The following KCNMA1 variants were observed in gnomAD, a reference collection of about 807,000 sequenced individuals.
The protein encoded by KCNMA1 is Calcium-activated potassium channel subunit alpha-1.
Under a neutral mutation model 140.0 loss-of-function variants are expected in KCNMA1, and 29 were observed. That is an observed-to-expected ratio of 0.21 (90% CI 0.15 to 0.28). The LOEUF (loss-of-function observed/expected upper bound fraction) is 0.28. KCNMA1 is among the 10% of genes least tolerant of loss of function. The pLI, the probability that KCNMA1 is intolerant of heterozygous loss-of-function variation, is 1.00. For missense variants in KCNMA1, 880 were observed against 1,602.2 expected, an observed-to-expected ratio of 0.55 and a Z score of 7.70; for synonymous variants, 612 against 611.9, an observed-to-expected ratio of 1.00 and a Z score of 0.00.
chr10:77,626,525 C>T lies in KCNMA1; in HGVS notation c.378+10740G>A, dbSNP rs567636212. ...AATCTTTCCTCCAAGCCTTAGAACA[C>T]TTATCTCTGAGTTCTCCATTTGAAT... On this transcript the variant is annotated intron_variant, in intron 1 of 27. Transcript: ENST00000286628. Among the ~76,000 whole-genome samples, 7 of 152,304 alleles carry T rather than the reference C, an allele frequency of 4.6e-5. No individual in the cohort carries two copies. In the South Asian group the frequency reaches 1.4e-3, roughly 32 times the overall value.
intron 2 of KCNMA1, among the ~76,000 whole-genome samples, chr10:77,379,203 G>T (rs1351518339): frequency 6.6e-6 from 1 of 152,184 alleles, no homozygotes; most frequent in African/African-American, 2.4e-5. Flanking sequence ...GGAATTCTGA[G>T]CCTTTTTCCC....
chr10:77,371,498 T>TA (rs1205688373), intron 2 of KCNMA1, among the ~76,000 whole-genome samples: 2 of 152,294 alleles, frequency 1.3e-5, no homozygotes, highest in East Asian at 1.9e-4. Flanking sequence ...TGACAACATG[T>TA]AAAAAATCTG....
chr10:76,996,476 T>A (rs2084370719), intron 19 of KCNMA1, among the ~76,000 whole-genome samples: 1 of 152,182 alleles, frequency 6.6e-6, no homozygotes, highest in Non-Finnish European at 1.5e-5. Context: ...GATCTGCCAC[T>A]CTGTTTTTAC....
intron 2 of KCNMA1, among the ~76,000 whole-genome samples, chr10:77,380,725 C>T (rs565065189): frequency 6.6e-6 from 1 of 152,300 alleles, no homozygotes; most frequent in Admixed American, 6.5e-5. Context: ...GACTTCTCAG[C>T]CTTGCTTCTG....
intron 25 of KCNMA1, among the ~76,000 whole-genome samples, chr10:76,892,568 C>T (rs1271855100): frequency 1.3e-5 from 2 of 152,188 alleles, no homozygotes; most frequent in African/African-American, 2.4e-5. Context: ...GGCTAAAAAA[C>T]TCAAATCAAA....
rs570665032 is a variant in KCNMA1, at chr10:77,054,950, T to TA, written c.1750-15314dup. 5.6e-4 allele frequency among the ~76,000 whole-genome samples: 83 copies of TA among 149,278 alleles called. No homozygotes were observed. In the South Asian group the frequency reaches 0.01, roughly 18 times the overall value. On this transcript the variant is annotated intron_variant, in intron 14 of 27. Coordinates refer to ENST00000286628, the MANE Select transcript of KCNMA1 (RefSeq NM_001161352.2). Reference sequence around the variant, plus strand: ...AATTATAGTATTCATAGGCTCTGATTAAAAAAAAAATAGGTGAACTACCTG... The same window carrying TA: ...AATTATAGTATTCATAGGCTCTGATTAAAAAAAAAAATAGGTGAACTACCTG...
chr10:77,534,284 G>C (rs543392313), intron 1 of KCNMA1, among the ~76,000 whole-genome samples: 1 of 152,274 alleles, frequency 6.6e-6, no homozygotes, highest in East Asian at 1.9e-4. Context: ...ATACCAAGTA[G>C]AATGTAGTCA....
intron 1 of KCNMA1, among the ~76,000 whole-genome samples, chr10:77,616,256 T>C (rs1225183508): frequency 6.6e-6 from 1 of 152,150 alleles, no homozygotes; most frequent in Non-Finnish European, 1.5e-5. Context: ...AGACGTGCAA[T>C]CCAACCTGGA....
chr10:77,507,485 C>T (rs2046579207), intron 1 of KCNMA1, among the ~76,000 whole-genome samples: 1 of 152,182 alleles, frequency 6.6e-6, no homozygotes, highest in Non-Finnish European at 1.5e-5. Context: ...GGACTAGAAC[C>T]AGAGCACCAA....
chr10:77,058,763 C>T (rs898629389), intron 14 of KCNMA1, among the ~76,000 whole-genome samples: 1 of 151,814 alleles, frequency 6.6e-6, no homozygotes, highest in Non-Finnish European at 1.5e-5. Flanking sequence ...AAAGCAGGGA[C>T]CAGGAAGAAA....
chr10:76,880,811 A>T, downstream of KCNMA1, among the ~76,000 whole-genome samples: 1 of 151,068 alleles, frequency 6.6e-6, no homozygotes. Context: ...CTTTATCTCC[A>T]CTCCCTGTTT....
In KCNMA1 at chr10:77,637,554, T is replaced by A; in HGVS notation, c.89A>T (p.His30Leu). 1 of 1,543,516 alleles carries A rather than the reference T, an allele frequency of 6.5e-7. No homozygotes were observed. The highest frequency in any genetic ancestry group is 8.7e-7 in the Non-Finnish European group (1 of 1,143,584). Residue 30 changes from histidine (H) to leucine (L), a missense_variant, in exon 1 of 28, where the codon CAC becomes CTC. By Grantham distance (99) the His-to-Leu change is moderately conservative (BLOSUM62 -3). Transcript: ENST00000286628. ...CGCGTCTAGGCTGAGATGGTTCGCG[T>A]GGATATTGCTACTCATTCTAAGACT... ...GSSLRMSSNI[H>L]ANHLSLDASS...
At chr10:77,367,699 T>C (rs918924801) in intron 2 of KCNMA1, among the ~76,000 whole-genome samples, 1 of 152,220 alleles carries the variant, frequency 6.6e-6, no homozygotes, top group African/African-American at 2.4e-5. Context: ...GCATTATCCT[T>C]TATGATCACA....
At position 77,485,969 on chromosome 10, in the gene KCNMA1, A is replaced by AT. The variant is rs1229869492; in HGVS notation, c.379-81947dup. 2.6e-5 allele frequency among the ~76,000 whole-genome samples: 4 copies of AT among 152,102 alleles called. No individual in the cohort carries two copies. In the East Asian group the frequency reaches 7.7e-4, roughly 29 times the overall value. ...ACCAGGTACCGGGCTCTGGGCAACT[A>AT]TAAGTGTTTATCAGCCCTACCCTGA... On this transcript the variant is annotated intron_variant, in intron 1 of 27. Coordinates refer to ENST00000286628, the MANE Select transcript of KCNMA1 (RefSeq NM_001161352.2).
At chr10:77,144,536 A>G (rs1439833878) in intron 5 of KCNMA1, among the ~76,000 whole-genome samples, 3 of 152,220 alleles carry the variant, frequency 2.0e-5, no homozygotes, top group African/African-American at 7.2e-5. Context: ...TATCTCTGTC[A>G]GAACTCACTG....
intron 1 of KCNMA1, among the ~76,000 whole-genome samples, chr10:77,454,505 T>A (rs2097722898): frequency 6.6e-6 from 1 of 152,248 alleles, no homozygotes; most frequent in Non-Finnish European, 1.5e-5. Context: ...ATTTTACAAA[T>A]GTCTGTGGCT....
chr10:77,057,548 A>G (rs2095584682), intron 14 of KCNMA1, among the ~76,000 whole-genome samples: 1 of 152,104 alleles, frequency 6.6e-6, no homozygotes, highest in Admixed American at 6.5e-5. Context: ...AAATTATAAC[A>G]TTGTCTGATA....
intron 17 of KCNMA1, among the ~76,000 whole-genome samples, chr10:77,014,123 C>T (rs927093202): frequency 2.6e-5 from 4 of 152,054 alleles, no homozygotes; most frequent in South Asian, 2.1e-4. Context: ...TTTTGTGGTA[C>T]GAACACTTAA....
At chr10:77,537,638 A>G (rs972755681) in intron 1 of KCNMA1, among the ~76,000 whole-genome samples, 2 of 152,126 alleles carry the variant, frequency 1.3e-5, no homozygotes, top group Admixed American at 6.6e-5. Flanking sequence ...CCAACTCTCC[A>G]TCTCCTCCTC....
Sources: allele counts gnomAD v4.1 joint callset (sites outside exome capture counted in the v4.1 genomes callset), GRCh38; gene constraint gnomAD v4.1.1; transcripts MANE v1.5; gene names NCBI Gene and HGNC (gene_info 2026-07-23, HGNC 2026-07-21).